The following ZNF780A variants were observed in gnomAD, a reference collection of about 807,000 sequenced individuals.
ZNF780A encodes the protein zinc finger protein 780A.
Under a neutral mutation model 56.7 loss-of-function variants are expected in ZNF780A, and 40 were observed. The observed-to-expected ratio is 0.71, with a 90% CI of 0.55 to 0.92. The LOEUF (loss-of-function observed/expected upper bound fraction) is 0.92. Among genes scored for constraint, ZNF780A ranks in the 40% least tolerant of loss-of-function variants. The pLI is 0.00. For synonymous variants in ZNF780A, 231 were observed against 248.3 expected, an observed-to-expected ratio of 0.93 and a Z score of 0.66; for missense variants, 672 against 783.3, an observed-to-expected ratio of 0.86 and a Z score of 1.70.
At chr19:40,084,611 C>A in intron 3 of ZNF780A, 134 bp downstream of exon 3, 1 of 854,922 alleles carries the variant, frequency 1.2e-6, no homozygotes, top group Non-Finnish European at 1.7e-6. Context: ...TTTTTGTCAC[C>A]AACCTTCACT....
At chr19:40,083,849 G>A (rs572483501) in intron 3 of ZNF780A, among the ~76,000 whole-genome samples, 127 of 151,862 alleles carry the variant, frequency 8.4e-4, no homozygotes, top group African/African-American at 2.9e-3. Flanking sequence ...CTATTTATAC[G>A]TTGAGGATGG....
downstream of ZNF780A, chr19:40,070,426 T>A (rs1973781090): frequency 6.6e-6 from 1 of 152,216 alleles, no homozygotes; most frequent in African/African-American, 2.4e-5. Context: ...TTCTGTTTCT[T>A]TGATTGTATT....
At position 40,082,148 on chromosome 19, in the gene ZNF780A, T is replaced by C. The variant is rs138035083; in HGVS notation, c.137-234A>G. Reference sequence around the variant, plus strand: ...CTTGAAAAGAGGTATAACTGAATGGTTGAGAGCAGGAAACTTCAATCCAGA... The same window carrying C: ...CTTGAAAAGAGGTATAACTGAATGGCTGAGAGCAGGAAACTTCAATCCAGA... On this transcript the variant is annotated intron_variant, in intron 4 of 5. Coordinates refer to ENST00000683561, the MANE Select transcript of ZNF780A (RefSeq NM_001142578.2). 0.018 allele frequency among the ~76,000 whole-genome samples: 2,746 copies of C among 152,170 alleles called. 84 individuals are homozygous for C. Among genetic ancestry groups the C allele is most frequent in the African/African-American group, 0.062 (2,589 of 41,478 alleles).
Position 40,074,319 on chromosome 19 carries a change from A to G in ZNF780A, c.*197T>C, listed in dbSNP as rs1973948609. 1 of 1,513,794 alleles carries G rather than the reference A, an allele frequency of 6.6e-7. No homozygotes were observed. Among genetic ancestry groups the G allele is most frequent in the Non-Finnish European group, 8.8e-7 (1 of 1,135,168 alleles). 93.8% of individuals were successfully genotyped at this position (1,513,794 alleles called of 1,614,324 possible). ...GTAATGTTAAATAAGTGGTAATGATATCTAAAGGTCGTCCTCCACTCCTTG... is the reference window on the plus strand; with the variant it reads ...GTAATGTTAAATAAGTGGTAATGATGTCTAAAGGTCGTCCTCCACTCCTTG... On this transcript the variant is annotated 3_prime_UTR_variant, in exon 6 of 6. Transcript: ENST00000683561.
In ZNF780A at chr19:40,074,256, T is replaced by G; in HGVS notation, c.*260A>C. ...CAGAAAACTGAAGGCCTTTCCACATTCTTTACATTCAAAGGGTTTTTTACC... is the reference window on the plus strand; with the variant it reads ...CAGAAAACTGAAGGCCTTTCCACATGCTTTACATTCAAAGGGTTTTTTACC... On this transcript the variant is annotated 3_prime_UTR_variant, in exon 6 of 6. Transcript: ENST00000683561. The G allele has an allele frequency of 2.7e-6, 4 of 1,466,376 alleles. No homozygotes were observed. The highest frequency in any genetic ancestry group is 3.6e-6 in the Non-Finnish European group (4 of 1,106,610). The allele number at this position is 1,466,376 out of a possible 1,614,324, so 90.8% of individuals were successfully genotyped here. A position where few individuals can be genotyped will look rare whatever the true frequency, so the allele number is the denominator to read the frequency against.
At chr19:40,076,691 T>TGGG (rs754074593) in intron 5 of ZNF780A, among the ~76,000 whole-genome samples, 3 of 152,088 alleles carry the variant, frequency 2.0e-5, no homozygotes, top group African/African-American at 2.4e-5. Context: ...CACGTACAAC[T>TGGG]GGGGGGCCTA....
downstream of ZNF780A, chr19:40,072,277 T>C (rs1414554734): frequency 6.8e-5 from 12 of 177,530 alleles, 1 homozygote; most frequent in South Asian, 6.7e-4. Flanking sequence ...TTAGAGCAGT[T>C]GTTGGCCAAC....
chr19:40,081,689 G>A, intron 5 of ZNF780A, 130 bp downstream of exon 5: 1 of 707,026 alleles, frequency 1.4e-6, no homozygotes, highest in Non-Finnish European at 2.4e-6. Context: ...CAGGTCTTGG[G>A]CATTTTTATC....
downstream of ZNF780A, chr19:40,072,535 C>A (rs192208816): frequency 5.2e-6 from 1 of 192,654 alleles, no homozygotes; most frequent in East Asian, 1.2e-4. Context: ...GAGAGCACAG[C>A]GGGAGGGACA....
At chr19:40,084,079 T>A (rs1380953652) in intron 3 of ZNF780A, among the ~76,000 whole-genome samples, 1 of 150,694 alleles carries the variant, frequency 6.6e-6, no homozygotes, top group Non-Finnish European at 1.5e-5. Flanking sequence ...TTTTTTTTTC[T>A]TTTTTTAGAA....
At chr19:40,071,611 T>C (rs1237212514), downstream of ZNF780A, 5 of 152,336 alleles carry the variant, frequency 3.3e-5, no homozygotes, top group South Asian at 8.3e-4. Context: ...AGTCTCTCCA[T>C]AGATTATTTA....
At chr19:40,072,720 CT>C, downstream of ZNF780A, 3 of 1,211,786 alleles carry the variant, frequency 2.5e-6, no homozygotes, top group Non-Finnish European at 3.1e-6. Flanking sequence ...CTCTCTAACT[CT>C]GGTTGGTATC....
chr19:40,080,877 T>C (rs1254046216), intron 5 of ZNF780A, among the ~76,000 whole-genome samples: 1 of 152,122 alleles, frequency 6.6e-6, no homozygotes, highest in East Asian at 1.9e-4. Flanking sequence ...GCTGGAAAAC[T>C]GGATATCCGT....
intron 2 of ZNF780A, among the ~76,000 whole-genome samples, chr19:40,088,776 AAAG>A (rs1420267913): frequency 2.0e-5 from 3 of 152,254 alleles, no homozygotes; most frequent in Non-Finnish European, 2.9e-5. Flanking sequence ...ATAAATGGAT[AAAG>A]AAAATGTGGT....
rs758176652 is a variant in ZNF780A at position 40,074,788 on chromosome 19, T to C, written c.1654A>G (p.Thr552Ala). The C allele has an allele frequency of 6.2e-6, 10 of 1,614,140 alleles. No individual in the cohort carries two copies. The highest frequency in any genetic ancestry group is 1.1e-5 in the South Asian group (1 of 91,076). The part of the protein sequence containing the change: ...SNLNQHRSIH[T>A]GKKPFECKEC... ...TTACATTCAAAGGGTTTCTTTCCAG[T>C]ATGAATACTTCGATGTTGATTAAGA... Residue 552 changes from threonine (T) to alanine (A), a missense_variant, in exon 6 of 6, where the codon ACT becomes GCT. Thr to Ala is a moderately conservative substitution (Grantham distance 58). Transcript: ENST00000683561.
intron 5 of ZNF780A, among the ~76,000 whole-genome samples, chr19:40,081,589 G>C (rs560239800): frequency 1.8e-4 from 27 of 151,818 alleles, no homozygotes; most frequent in Admixed American, 9.8e-4. Context: ...TCCACTAAAA[G>C]GGGAAGGAAA....
chr19:40,086,874 T>C (rs1259830454), intron 2 of ZNF780A, among the ~76,000 whole-genome samples: 2 of 151,978 alleles, frequency 1.3e-5, no homozygotes, highest in Non-Finnish European at 2.9e-5. Context: ...GGCTAGTTTT[T>C]ATATTTTTAG....
intron 2 of ZNF780A, among the ~76,000 whole-genome samples, chr19:40,085,678 G>A (rs112665837): frequency 0.02 from 3,005 of 152,056 alleles, 65 homozygotes; most frequent in African/African-American, 0.048. Context: ...TCAGGAGATC[G>A]AGACCAACCT....
chr19:40,085,369 A>G, intron 2 of ZNF780A: 1 of 984,238 alleles, frequency 1.0e-6, no homozygotes, highest in Non-Finnish European at 1.2e-6. Context: ...TCCACTTAAT[A>G]GAATACAAAG....
Sources: gnomAD v4.1 joint callset for allele counts (sites outside exome capture counted in the v4.1 genomes callset) on GRCh38, gnomAD v4.1.1 for gene constraint, MANE v1.5 for transcripts, NCBI Gene and HGNC (gene_info 2026-07-23, HGNC 2026-07-21) for gene names.